Variants in BMP2K observed in about 807,000 individuals in gnomAD.
BMP2K encodes BMP2 inducible kinase, also known as BMP-2-inducible protein kinase.
BMP2K carries 74 observed loss-of-function variants against 116.0 expected under a neutral mutation model. The ratio of observed to expected loss-of-function variants is 0.64; its 90% CI spans 0.53 to 0.77. The LOEUF (loss-of-function observed/expected upper bound fraction) is 0.77. BMP2K is among the 30% of genes least tolerant of loss of function. The pLI, the probability that BMP2K is intolerant of heterozygous loss-of-function variation, is 0.00. For missense variants in BMP2K, 1,365 were observed against 1,403.6 expected, an observed-to-expected ratio of 0.97 and a Z score of 0.44; for synonymous variants, 486 against 502.5, an observed-to-expected ratio of 0.97 and a Z score of 0.44.
Position 78,884,426 on chromosome 4 carries a change from C to T in BMP2K, c.1952-2748C>T, listed in dbSNP as rs377474814. ...AAGTAGACCTAATGAATCAAGTCTA[C>T]GGTTGGGTCCAGGTAACTACATTTT... On this transcript the variant is annotated intron_variant, in intron 14 of 15. Coordinates refer to ENST00000502613, the MANE Select transcript of BMP2K (RefSeq NM_198892.2). 1.4e-3 allele frequency among the ~76,000 whole-genome samples: 207 copies of T among 152,298 alleles called. 1 individual carries two copies. In the South Asian group the frequency reaches 0.026, roughly 19 times the overall value.
Position 78,833,706 on chromosome 4 carries a change from T to A in BMP2K, c.403+19T>A. 1 of 1,553,222 alleles carries A rather than the reference T, an allele frequency of 6.4e-7. No homozygotes were observed. Among genetic ancestry groups the A allele is most frequent in the South Asian group, 1.2e-5 (1 of 85,422 alleles). On this transcript the variant is annotated intron_variant, in intron 3 of 15. Transcript: ENST00000502613. ...TGTCGAGGTAAGTATTTTTTTGCAT[T>A]TGTACTGTAATAAAAAGTTTCTCCT...
At chr4:78,898,473 A>C (rs1733825336) in intron 15 of BMP2K, among the ~76,000 whole-genome samples, 2 of 151,736 alleles carry the variant, frequency 1.3e-5, no homozygotes, top group African/African-American at 4.8e-5. Flanking sequence ...AGGGGCTATC[A>C]TGATATGGAG....
At position 78,826,139 on chromosome 4, in the gene BMP2K, G is replaced by A. The variant is rs1729862341; in HGVS notation, c.281G>A (p.Arg94Lys). 1.9e-6 allele frequency: 3 copies of A among 1,611,598 alleles called. No homozygotes were observed. The highest frequency in any genetic ancestry group is 1.7e-6 in the Non-Finnish European group (2 of 1,177,970). Residue 94 changes from arginine (R) to lysine (K), a missense_variant, in exon 2 of 16, where the codon AGG becomes AAG. This residue lies in a region of BMP2K where 762 missense variants were observed against 756.7 expected (regional missense o/e 1.01). Coordinates refer to ENST00000502613, the MANE Select transcript of BMP2K (RefSeq NM_198892.2). ...ATGCCAGACCTCAATGTTTGTAAAA[G>A]GGAAATTACAATTATGGTAAGTGAA... ...NNMPDLNVCK[R>K]EITIMKELSG...
chr4:78,859,559 T>G (rs564138449), intron 7 of BMP2K, 25 bp from the exon 8 acceptor site: 1 of 1,518,350 alleles, frequency 6.6e-7, no homozygotes, highest in South Asian at 1.2e-5. Flanking sequence ...ATAAAACTTC[T>G]TAACATTTTG....
At chr4:78,829,804 TCTC>T (rs1205358666) in intron 2 of BMP2K, among the ~76,000 whole-genome samples, 3 of 137,572 alleles carry the variant, frequency 2.2e-5, no homozygotes, top group African/African-American at 3.1e-5. Flanking sequence ...TCTCTTCTCT[TCTC>T]TTCTCTTCTC....
At chr4:78,883,373 CCTG>C (rs1289220328) in intron 14 of BMP2K, among the ~76,000 whole-genome samples, 1 of 151,882 alleles carries the variant, frequency 6.6e-6, no homozygotes, top group Non-Finnish European at 1.5e-5. Context: ...TATTTTGTGT[CCTG>C]AGACTCACAT....
chr4:78,776,815 T>C lies in BMP2K; in HGVS notation c.178+94T>C, dbSNP rs1305654537. On this transcript the variant is annotated intron_variant, in intron 1 of 15. Coordinates refer to ENST00000502613, the MANE Select transcript of BMP2K (RefSeq NM_198892.2). ...GGTCCTCGCCCTCCGGACTGACTCT[T>C]ATACCCCATTCTTCCTCTGCTGCCG... 1.7e-5 allele frequency: 19 copies of C among 1,099,640 alleles called. No individual in the cohort carries two copies. The African/African-American group carries it at 2.3e-4, about 13-fold the overall frequency. The allele number at this position is 1,099,640 out of a possible 1,614,324, so 68.1% of individuals were successfully genotyped here.
chr4:78,784,638 T>C (rs980201584), intron 1 of BMP2K, among the ~76,000 whole-genome samples: 1 of 152,220 alleles, frequency 6.6e-6, no homozygotes, highest in Non-Finnish European at 1.5e-5. Context: ...CCTAGTCTTG[T>C]AGAATTGCAG....
At chr4:78,795,903 G>A (rs1261589103) in intron 1 of BMP2K, among the ~76,000 whole-genome samples, 1 of 151,758 alleles carries the variant, frequency 6.6e-6, no homozygotes, top group Non-Finnish European at 1.5e-5. Context: ...AGGTGCTGGA[G>A]AGGATGTGGA....
At chr4:78,867,344 T>C (rs1732105325) in intron 10 of BMP2K, among the ~76,000 whole-genome samples, 1 of 152,108 alleles carries the variant, frequency 6.6e-6, no homozygotes, top group Non-Finnish European at 1.5e-5. Context: ...CAGACATGAT[T>C]TTGGAGTGGT....
intron 15 of BMP2K, among the ~76,000 whole-genome samples, chr4:78,908,395 A>C (rs1734392703): frequency 6.6e-6 from 1 of 151,906 alleles, no homozygotes; most frequent in South Asian, 2.1e-4. Flanking sequence ...GTGACATTGC[A>C]CTCAGCTGTT....
At chr4:78,777,788 A>G (rs1727316406) in intron 1 of BMP2K, among the ~76,000 whole-genome samples, 1 of 152,240 alleles carries the variant, frequency 6.6e-6, no homozygotes, top group Non-Finnish European at 1.5e-5. Flanking sequence ...TTGAAATGCT[A>G]TACACAACAG....
intron 1 of BMP2K, among the ~76,000 whole-genome samples, chr4:78,818,252 T>C (rs1057064727): frequency 6.6e-6 from 1 of 152,174 alleles, no homozygotes; most frequent in African/African-American, 2.4e-5. Context: ...CCCATCATAA[T>C]GCCTATAATC....
chr4:78,887,227 C>T lies in BMP2K; in HGVS notation c.2005C>T (p.Pro669Ser). The change falls in exon 15 of 16, where the codon CCA becomes TCA. Residue 669 changes from proline to serine, a missense_variant. Coordinates refer to ENST00000502613, the MANE Select transcript of BMP2K (RefSeq NM_198892.2). ...TAAGAATGTAGACTCACTTTCTGCT[C>T]CACATAACCATCCTCCAGAAGATCC... is the stretch of plus-strand genomic sequence containing the variant. ...SDKNVDSLSA[P>S]HNHPPEDPFG... is the part of the protein sequence containing the mutation. 1.2e-6 allele frequency: 2 copies of T among 1,611,958 alleles called. No individual in the cohort carries two copies. Among genetic ancestry groups the T allele is most frequent in the Non-Finnish European group, 1.7e-6 (2 of 1,179,066 alleles).
At chr4:78,852,402 T>C (rs1731299201) in intron 7 of BMP2K, among the ~76,000 whole-genome samples, 1 of 152,100 alleles carries the variant, frequency 6.6e-6, no homozygotes, top group Non-Finnish European at 1.5e-5. Flanking sequence ...AACAAAAGGT[T>C]GAAAAAACAT....
intron 2 of BMP2K, among the ~76,000 whole-genome samples, chr4:78,828,156 G>T (rs184188959): frequency 5.2e-4 from 79 of 152,348 alleles, no homozygotes; most frequent in African/African-American, 1.8e-3. Context: ...GAGCAGACTT[G>T]CTGAGTCTTC....
At chr4:78,816,482 A>T (rs1729357867) in intron 1 of BMP2K, among the ~76,000 whole-genome samples, 1 of 152,122 alleles carries the variant, frequency 6.6e-6, no homozygotes, top group African/African-American at 2.4e-5. Flanking sequence ...AATTTCACTA[A>T]CAGTGTCTTG....
chr4:78,909,055 CTTTTT>C (rs1053664659), intron 15 of BMP2K, among the ~76,000 whole-genome samples: 2 of 94,394 alleles, frequency 2.1e-5, no homozygotes, highest in Non-Finnish European at 3.9e-5. Context: ...TTCCCTTAGT[CTTTTT>C]TTTTTTTTTT....
At chr4:78,861,981 T>C (rs1731820013) in intron 9 of BMP2K, among the ~76,000 whole-genome samples, 1 of 151,928 alleles carries the variant, frequency 6.6e-6, no homozygotes, top group Non-Finnish European at 1.5e-5. Flanking sequence ...GTTTGAACTA[T>C]ATTATGTAAG....
Sources: allele counts gnomAD v4.1 joint callset (sites outside exome capture counted in the v4.1 genomes callset), GRCh38; gene constraint gnomAD v4.1.1; regional missense constraint gnomAD v4.1.1; transcripts MANE v1.5; gene names NCBI Gene and HGNC (gene_info 2026-07-23, HGNC 2026-07-21).